HAUS1: variants seen among roughly 807,000 people sequenced by gnomAD.
HAUS1 encodes the protein HAUS augmin-like complex subunit 1.
Under a neutral mutation model 38.6 loss-of-function variants are expected in HAUS1, and 25 were observed. That is an observed-to-expected ratio of 0.65 (90% CI 0.47 to 0.91). The LOEUF is 0.91. HAUS1 is among the 40% of genes least tolerant of loss of function. The pLI is 0.00. For missense variants in HAUS1, 325 were observed against 328.4 expected (o/e 0.99, Z 0.08); for synonymous variants, 109 against 112.9 (o/e 0.97, Z 0.22).
In HAUS1 at chr18:46,123,365, G is replaced by A. The variant is rs202180722; in HGVS notation, c.666+1G>A. The A allele has an allele frequency of 4.6e-4, 727 of 1,596,478 alleles. No homozygotes were observed. The highest frequency in any genetic ancestry group is 5.6e-4 in the Non-Finnish European group (653 of 1,168,736). On this transcript the variant is annotated splice_donor_variant, in intron 6 of 8. Coordinates refer to ENST00000282058, the MANE Select transcript of HAUS1 (RefSeq NM_138443.4). LOFTEE classifies it high-confidence loss of function. ...TCAGTCCTTAGTAGCACTATCAGAGGTGAGCTTATTTTAACCTAATTTAAC... is the reference window on the plus strand; with the variant it reads ...TCAGTCCTTAGTAGCACTATCAGAGATGAGCTTATTTTAACCTAATTTAAC...
Position 46,105,314 on chromosome 18 carries a change from G to T in HAUS1, c.151G>T (p.Val51Phe), listed in dbSNP as rs1465321286. 3.1e-6 allele frequency: 5 copies of T among 1,613,422 alleles called. No homozygotes were observed. The African/African-American group carries it at 6.7e-5, about 22-fold the overall frequency. ...ACGCAACAGGGTCCGGGACAGGGATGTCTACCTGGTAATAGAGGACTTGAA... is the reference window on the plus strand; with the variant it reads ...ACGCAACAGGGTCCGGGACAGGGATTTCTACCTGGTAATAGAGGACTTGAA... ...SERNRVRDRD[V>F]YLVIEDLKQK... The change falls in exon 2 of 9, where the codon GTC (valine) becomes TTC (phenylalanine). Residue 51 changes from valine to phenylalanine, a missense_variant. Val to Phe is a conservative substitution (Grantham distance 50, BLOSUM62 -1). Coordinates refer to ENST00000282058, the MANE Select transcript of HAUS1 (RefSeq NM_138443.4).
At chr18:46,126,010 C>T (rs1912094358) in intron 8 of HAUS1, 1 of 369,972 alleles carries the variant, frequency 2.7e-6, no homozygotes. Flanking sequence ...GGCACAGTGG[C>T]TCACACCTGT....
chr18:46,105,228 A>G lies in HAUS1; in HGVS notation c.65A>G (p.His22Arg). 6.2e-7 allele frequency: 1 copy of G among 1,611,476 alleles called. No homozygotes were observed. Among genetic ancestry groups the G allele is most frequent in the Admixed American group, 1.7e-5 (1 of 59,614 alleles). The change falls in exon 2 of 9, where the codon CAT becomes CGT. Residue 22 changes from histidine (H) to arginine (R), a missense_variant. Coordinates refer to ENST00000282058, the MANE Select transcript of HAUS1 (RefSeq NM_138443.4). ...AAWLKKIFGD[H>R]PIPQYEVNPR... is the part of the protein sequence containing the mutation. ...TGGTTAAAAAAAATATTTGGAGATC[A>G]TCCTATTCCACAGTATGAGGTGAAC...
chr18:46,123,531 G>A (rs1193883677), intron 6 of HAUS1, among the ~76,000 whole-genome samples, 167 bp downstream of exon 6: 1 of 151,894 alleles, frequency 6.6e-6, no homozygotes, highest in African/African-American at 2.4e-5. Context: ...TCCTTGTTTA[G>A]CTGTATATGC....
At chr18:46,124,920 A>C (rs753045029) in intron 7 of HAUS1, 27 bp downstream of exon 7, 3 of 1,272,092 alleles carry the variant, frequency 2.4e-6, no homozygotes, top group Middle Eastern at 1.9e-4. Context: ...ATTAAAAAAC[A>C]ATTATTTCCT....
At chr18:46,112,183 C>T (rs992846221) in intron 2 of HAUS1, among the ~76,000 whole-genome samples, 21 of 147,300 alleles carry the variant, frequency 1.4e-4, no homozygotes, top group African/African-American at 5.2e-4. Context: ...CCGCACCTGG[C>T]CTTTCATTTT....
At chr18:46,123,079 TG>T in intron 5 of HAUS1, 1 of 449,062 alleles carries the variant, frequency 2.2e-6, no homozygotes, top group Non-Finnish European at 4.0e-6. Context: ...GGCGTGGTGG[TG>T]GGCGCCTGTA....
chr18:46,126,773 T>A (rs1879197507), intron 8 of HAUS1: 1 of 151,882 alleles, frequency 6.6e-6, no homozygotes, highest in African/African-American at 2.4e-5. Flanking sequence ...TACAGGTGTG[T>A]ACCACCATGC....
At chr18:46,116,903 A>G (rs1911811356) in intron 2 of HAUS1, among the ~76,000 whole-genome samples, 1 of 152,008 alleles carries the variant, frequency 6.6e-6, no homozygotes, top group Admixed American at 6.6e-5. Flanking sequence ...CTGTGAGGCC[A>G]AGGTGGGAGG....
At position 46,105,327 on chromosome 18, in the gene HAUS1, T is replaced by C; in HGVS notation, c.164T>C (p.Ile55Thr). 6.2e-7 allele frequency: 1 copy of C among 1,613,416 alleles called. No individual in the cohort carries two copies. Among genetic ancestry groups the C allele is most frequent in the Non-Finnish European group, 8.5e-7 (1 of 1,179,748 alleles). The part of the protein sequence containing the change: ...RVRDRDVYLV[I>T]EDLKQKASEY... ...CGGGACAGGGATGTCTACCTGGTAA[T>C]AGAGGACTTGAAGCAGAAAGCAAGT... Residue 55 changes from isoleucine (I) to threonine (T), a missense_variant, in exon 2 of 9, where the codon ATA becomes ACA. Transcript: ENST00000282058.
intron 2 of HAUS1, among the ~76,000 whole-genome samples, chr18:46,112,997 C>CAT (rs748312701): frequency 0.016 from 698 of 43,852 alleles, 71 homozygotes; most frequent in Middle Eastern, 0.062. Flanking sequence ...ATATATATTC[C>CAT]ATATATATGG....
At chr18:46,117,710 CAAA>C (rs1911832063) in intron 2 of HAUS1, among the ~76,000 whole-genome samples, 1 of 151,906 alleles carries the variant, frequency 6.6e-6, no homozygotes, top group East Asian at 1.9e-4. Flanking sequence ...TTTGGGAGGC[CAAA>C]GTGGGCGGAT....
chr18:46,108,729 A>C (rs1021356140), intron 2 of HAUS1, among the ~76,000 whole-genome samples: 1 of 152,078 alleles, frequency 6.6e-6, no homozygotes, highest in African/African-American at 2.4e-5. Context: ...ACTTTGTATT[A>C]GTCCGTTCTC....
intron 2 of HAUS1, among the ~76,000 whole-genome samples, chr18:46,111,201 C>G (rs1176398452): frequency 6.6e-6 from 1 of 152,062 alleles, no homozygotes; most frequent in African/African-American, 2.4e-5. Flanking sequence ...ATTTTTTACC[C>G]TAATATGTCT....
intron 2 of HAUS1, among the ~76,000 whole-genome samples, chr18:46,112,320 T>C (rs1911661113): frequency 7.4e-6 from 1 of 135,450 alleles, no homozygotes; most frequent in Non-Finnish European, 1.5e-5. Context: ...ATATATAATA[T>C]ATATAATGTG....
intron 2 of HAUS1, among the ~76,000 whole-genome samples, chr18:46,111,488 AT>A (rs943337812): frequency 6.6e-5 from 10 of 151,918 alleles, no homozygotes; most frequent in Admixed American, 2.0e-4. Flanking sequence ...CACCTGGCTA[AT>A]TTTTGTATTT....
At chr18:46,113,078 A>G (rs1568263758) in intron 2 of HAUS1, among the ~76,000 whole-genome samples, 2 of 136,676 alleles carry the variant, frequency 1.5e-5, no homozygotes, top group East Asian at 4.0e-4. Flanking sequence ...TATATTCCAT[A>G]TATATATATA....
intron 2 of HAUS1, among the ~76,000 whole-genome samples, chr18:46,112,987 A>ATATATATAATATG (rs1204521135): frequency 9.2e-4 from 21 of 22,834 alleles, no homozygotes; most frequent in African/African-American, 6.3e-3. Flanking sequence ...TATATATATA[A>ATATATATAATATG]TATATATTCC....
At chr18:46,118,583 G>T in intron 3 of HAUS1, 1 of 303,050 alleles carries the variant, frequency 3.3e-6, no homozygotes, top group Admixed American at 4.7e-5. Flanking sequence ...ATTGTTCCCT[G>T]TGTATAATAA....
Sources: gnomAD v4.1 joint callset for allele counts (sites outside exome capture counted in the v4.1 genomes callset) on GRCh38, gnomAD v4.1.1 for gene constraint, MANE v1.5 for transcripts, NCBI Gene and HGNC (gene_info 2026-07-23, HGNC 2026-07-21) for gene names.